The following NPAS2 variants were observed in gnomAD, a reference collection of about 807,000 sequenced individuals.
The protein encoded by NPAS2 is neuronal PAS domain-containing protein 2.
A neutral mutation model predicts 107.5 loss-of-function variants in NPAS2; 23 were observed. The observed-to-expected ratio is 0.21, with a 90% confidence interval of 0.15 to 0.30. The LOEUF (loss-of-function observed/expected upper bound fraction) is 0.30. Ranked by LOEUF, NPAS2 falls within the 10% of genes least tolerant of loss-of-function variation. The pLI is 1.00. For missense variants in NPAS2, 756 were observed against 1,043.3 expected (o/e 0.72, Z 3.79); for synonymous variants, 403 against 417.5 (o/e 0.97, Z 0.42).
In NPAS2 at chr2:100,954,667, AAAAAAAAAAAAAAG is replaced by A. The variant is rs1166297389; in HGVS notation, c.598+5196_598+5209del. ...GTGACATAGTAAAACTGTGTCTCAA[AAAAAAAAAAAAAAG>A]AAAAAAAAGAAAAGAAAAAAGAAAC... On this transcript the variant is annotated intron_variant, in intron 7 of 20. Transcript: ENST00000335681. Among the ~76,000 whole-genome samples, 14 of 79,734 alleles carry A rather than the reference AAAAAAAAAAAAAAG, an allele frequency of 1.8e-4. No individual in the cohort carries two copies. The Admixed American group carries it at 1.8e-3, about 10-fold the overall frequency. The allele number at this position is 79,734 out of a possible 152,430, so 52.3% of individuals were successfully genotyped here. A position where few individuals can be genotyped will look rare whatever the true frequency, so the allele number is the denominator to read the frequency against.
chr2:100,947,232 TA>T (rs1204803254), intron 5 of NPAS2, among the ~76,000 whole-genome samples: 3 of 152,142 alleles, frequency 2.0e-5, no homozygotes, highest in Non-Finnish European at 4.4e-5. Flanking sequence ...AGCCACTAGC[TA>T]CATGTGGCTG....
chr2:100,926,291 T>C (rs1382906480), intron 3 of NPAS2, among the ~76,000 whole-genome samples: 1 of 152,240 alleles, frequency 6.6e-6, no homozygotes. Flanking sequence ...TTTGTTTGTA[T>C]TCCTAGGAGG....
At chr2:100,970,054 A>G (rs1301236713) in intron 11 of NPAS2, among the ~76,000 whole-genome samples, 1 of 152,144 alleles carries the variant, frequency 6.6e-6, no homozygotes, top group Non-Finnish European at 1.5e-5. Flanking sequence ...TTCAGCAGCA[A>G]ATGACCCTGA....
In NPAS2 at chr2:100,852,147, A is replaced by C. The variant is rs940807835; in HGVS notation, c.-23+31733A>C. Among the ~76,000 whole-genome samples the C allele has an allele frequency of 3.3e-5, 5 of 152,280 alleles. No individual in the cohort carries two copies. The South Asian group carries it at 1.0e-3, about 32-fold the overall frequency. ...CACGGTGGCTCCTGCCTGTAATCCC[A>C]GCACTTTGGGAGGTCAAGGCGGGCG... On this transcript the variant is annotated intron_variant, in intron 1 of 20. Transcript: ENST00000335681.
intron 1 of NPAS2, chr2:100,878,072 G>A: frequency 1.0e-6 from 1 of 985,380 alleles, no homozygotes; most frequent in Non-Finnish European, 1.2e-6. Context: ...TGCAAAAAGT[G>A]GTGACGAGTC....
chr2:100,923,579 C>A (rs1481682629), intron 2 of NPAS2, among the ~76,000 whole-genome samples: 3 of 152,174 alleles, frequency 2.0e-5, no homozygotes, highest in African/African-American at 7.2e-5. Flanking sequence ...CACACTCTGT[C>A]CTGACCACAC....
At chr2:100,850,887 A>G (rs982124409) in intron 1 of NPAS2, among the ~76,000 whole-genome samples, 1 of 124,860 alleles carries the variant, frequency 8.0e-6, no homozygotes, top group Admixed American at 1.0e-4. Flanking sequence ...CAGGAGGTGG[A>G]GGTTGCAGTG....
chr2:100,953,303 G>A (rs866209818), intron 7 of NPAS2, among the ~76,000 whole-genome samples: 2 of 151,256 alleles, frequency 1.3e-5, no homozygotes, highest in Admixed American at 6.6e-5. Flanking sequence ...GAACCCGGGA[G>A]GCGGAGGTTA....
intron 1 of NPAS2, chr2:100,901,486 G>T: frequency 3.0e-6 from 3 of 984,610 alleles, no homozygotes; most frequent in Non-Finnish European, 3.6e-6. Context: ...CCCAGAACTG[G>T]AAGAGCCCCA....
intron 5 of NPAS2, among the ~76,000 whole-genome samples, chr2:100,947,552 C>CAG (rs1674976328): frequency 1.4e-5 from 2 of 138,162 alleles, no homozygotes; most frequent in Admixed American, 1.4e-4. Flanking sequence ...CACTCTGTCT[C>CAG]AAAAAAAAAA....
chr2:100,852,203 T>C lies in NPAS2; in HGVS notation c.-23+31789T>C, dbSNP rs545605858. 3.7e-4 allele frequency among the ~76,000 whole-genome samples: 57 copies of C among 152,146 alleles called. 1 individual carries two copies. In the South Asian group the frequency reaches 4.2e-3, roughly 11 times the overall value. ...CGAGGTCAGGAGATCAAGACCATCC[T>C]GGCTAACACGGTGAAACCCCGTCTC... On this transcript the variant is annotated intron_variant, in intron 1 of 20. Coordinates refer to ENST00000335681, the MANE Select transcript of NPAS2 (RefSeq NM_002518.4).
chr2:100,927,424 C>T (rs143537846), intron 3 of NPAS2, among the ~76,000 whole-genome samples: 45 of 152,282 alleles, frequency 3.0e-4, no homozygotes, highest in Non-Finnish European at 4.3e-4. Context: ...AGAGAATATA[C>T]AAATCATAAC....
rs13393439 is a variant in NPAS2, at chr2:100,852,193, A to C, written c.-23+31779A>C. ...GGGCGGATCACGAGGTCAGGAGATCAAGACCATCCTGGCTAACACGGTGAA... is the reference window on the plus strand; with the variant it reads ...GGGCGGATCACGAGGTCAGGAGATCCAGACCATCCTGGCTAACACGGTGAA... On this transcript the variant is annotated intron_variant, in intron 1 of 20. Coordinates refer to ENST00000335681, the MANE Select transcript of NPAS2 (RefSeq NM_002518.4). Among the ~76,000 whole-genome samples the C allele has an allele frequency of 2.6e-4, 40 of 151,798 alleles. No homozygotes were observed. In the East Asian group the frequency reaches 4.1e-3, roughly 16 times the overall value.
At chr2:100,826,983 T>G (rs1296027217) in intron 1 of NPAS2, among the ~76,000 whole-genome samples, 1 of 152,230 alleles carries the variant, frequency 6.6e-6, no homozygotes, top group Non-Finnish European at 1.5e-5. Flanking sequence ...TAAATTAAAT[T>G]TTATTGGCTA....
intron 7 of NPAS2, among the ~76,000 whole-genome samples, chr2:100,954,287 C>T (rs760437303): frequency 2.7e-4 from 41 of 152,144 alleles, no homozygotes; most frequent in Non-Finnish European, 5.9e-5. Flanking sequence ...GTTGTTTGTC[C>T]TCTCTAGGAA....
intron 1 of NPAS2, among the ~76,000 whole-genome samples, chr2:100,852,909 C>T (rs889601705): frequency 6.6e-6 from 1 of 152,086 alleles, no homozygotes; most frequent in Non-Finnish European, 1.5e-5. Flanking sequence ...CAAAAAAACC[C>T]GCTAATGGCT....
intron 1 of NPAS2, among the ~76,000 whole-genome samples, chr2:100,835,128 C>T (rs931337863): frequency 1.3e-5 from 2 of 152,180 alleles, no homozygotes; most frequent in Admixed American, 6.5e-5. Flanking sequence ...CACGAGTTTG[C>T]TCATTTGCTT....
intron 1 of NPAS2, among the ~76,000 whole-genome samples, chr2:100,835,905 G>A (rs1021280855): frequency 6.6e-6 from 1 of 152,134 alleles, no homozygotes; most frequent in Non-Finnish European, 1.5e-5. Context: ...AGCACTCAAT[G>A]TAATATAAAG....
At chr2:100,924,029 C>T (rs1683406950) in intron 2 of NPAS2, among the ~76,000 whole-genome samples, 1 of 152,142 alleles carries the variant, frequency 6.6e-6, no homozygotes, top group Non-Finnish European at 1.5e-5. Flanking sequence ...AAGCAGCTTC[C>T]CTTTGATCTC....
Sources: gnomAD v4.1 joint callset for allele counts (sites outside exome capture counted in the v4.1 genomes callset) on GRCh38, gnomAD v4.1.1 for gene constraint, MANE v1.5 for transcripts, NCBI Gene and HGNC (gene_info 2026-07-23, HGNC 2026-07-21) for gene names.